Variants in GAD2 observed in about 807,000 individuals in gnomAD.
The protein encoded by GAD2 is 65 kDa glutamic acid decarboxylase.
In GAD2, 22 loss-of-function variants were observed where a neutral mutation model predicts 80.1. That is an observed-to-expected ratio of 0.27 (90% CI 0.20 to 0.39). The LOEUF is 0.39. GAD2 is among the 10% of genes least tolerant of loss of function. GAD2 has a pLI of 1.00. For missense variants in GAD2, 624 were observed against 738.4 expected, an observed-to-expected ratio of 0.85 and a Z score of 1.80; for synonymous variants, 274 against 256.9, an observed-to-expected ratio of 1.07 and a Z score of -0.64.
At chr10:26,256,248 T>C (rs1844941190) in intron 8 of GAD2, among the ~76,000 whole-genome samples, 1 of 150,344 alleles carries the variant, frequency 6.7e-6, no homozygotes, top group South Asian at 2.1e-4. Flanking sequence ...TATATGCATA[T>C]TATATATATA....
intron 8 of GAD2, among the ~76,000 whole-genome samples, chr10:26,260,417 T>C (rs1051957736): frequency 3.9e-5 from 6 of 151,974 alleles, no homozygotes; most frequent in African/African-American, 1.5e-4. Context: ...TCACCTGAGG[T>C]CAGGAGTTCG....
In GAD2 at chr10:26,216,966, G is replaced by A; in HGVS notation, c.76+81G>A. 7.8e-7 allele frequency: 1 copy of A among 1,277,002 alleles called. No individual in the cohort carries two copies. Among genetic ancestry groups the A allele is most frequent in the Admixed American group, 2.0e-5 (1 of 50,812 alleles). 79.1% of individuals were successfully genotyped at this position (1,277,002 alleles called of 1,614,324 possible). ...GCGGAACTACGGAGAAGACGAAGGA[G>A]GTTTTTCCACCTGCAACAGGAAACT... On this transcript the variant is annotated intron_variant, in intron 1 of 15. Transcript: ENST00000376261. The surrounding 1 kb of genome is among the most constrained non-coding windows in gnomAD (Gnocchi z 4.7).
intron 9 of GAD2, among the ~76,000 whole-genome samples, chr10:26,270,096 G>C (rs1845117172): frequency 6.6e-6 from 1 of 152,232 alleles, no homozygotes; most frequent in Non-Finnish European, 1.5e-5. Flanking sequence ...GCCATGGCCA[G>C]AGAGACTGAG....
intron 9 of GAD2, 39 bp from the exon 10 acceptor site, chr10:26,270,601 C>T: frequency 7.1e-7 from 1 of 1,401,216 alleles, no homozygotes; most frequent in South Asian, 1.2e-5. Context: ...GAACCCTTGA[C>T]TCTGTTTTCC....
intron 13 of GAD2, among the ~76,000 whole-genome samples, chr10:26,291,684 A>G (rs1351556535): frequency 6.6e-6 from 1 of 152,130 alleles, no homozygotes. Context: ...AGCTTTCTCC[A>G]TCAGCACCCA....
At chr10:26,289,047 C>G (rs563580040) in intron 13 of GAD2, among the ~76,000 whole-genome samples, 2 of 152,230 alleles carry the variant, frequency 1.3e-5, no homozygotes, top group South Asian at 4.2e-4. Context: ...GCAAAAACTT[C>G]CATTTTGTTT....
At chr10:26,226,277 T>G (rs7067786) in intron 6 of GAD2, among the ~76,000 whole-genome samples, 33,213 of 152,062 alleles carry the variant, frequency 0.22, 7,039 homozygotes, top group African/African-American at 0.56. Context: ...CCCAGAGAAA[T>G]AATTCTCTTA....
chr10:26,267,349 A>T (rs986167916), intron 8 of GAD2, among the ~76,000 whole-genome samples: 1 of 152,258 alleles, frequency 6.6e-6, no homozygotes, highest in Non-Finnish European at 1.5e-5. Flanking sequence ...CTTTTTATTT[A>T]TATCAGGGCT....
chr10:26,224,498 C>G (rs777801484), intron 5 of GAD2, 41 bp from the exon 6 acceptor site: 4 of 1,128,350 alleles, frequency 3.5e-6, no homozygotes, highest in Non-Finnish European at 5.4e-6. Context: ...AATTATTTAT[C>G]TGAGTTACAG....
intron 10 of GAD2, among the ~76,000 whole-genome samples, chr10:26,272,359 G>C (rs1845146818): frequency 6.6e-6 from 1 of 152,172 alleles, no homozygotes; most frequent in Admixed American, 6.5e-5. Flanking sequence ...GAGAATGTCT[G>C]TGTGTCCTGA....
chr10:26,226,927 G>A (rs1844534460), intron 6 of GAD2, among the ~76,000 whole-genome samples: 1 of 152,202 alleles, frequency 6.6e-6, no homozygotes, highest in African/African-American at 2.4e-5. Flanking sequence ...GCTTGGCTTA[G>A]TCACCGACCT....
chr10:26,245,199 T>G (rs1589142534), intron 7 of GAD2, among the ~76,000 whole-genome samples: 2 of 129,348 alleles, frequency 1.5e-5, no homozygotes, highest in African/African-American at 5.8e-5. Flanking sequence ...TAATGCACAG[T>G]GGTGCCTGTC....
At chr10:26,225,704 C>A (rs983257485) in intron 6 of GAD2, among the ~76,000 whole-genome samples, 6 of 152,178 alleles carry the variant, frequency 3.9e-5, no homozygotes, top group Non-Finnish European at 5.9e-5. Flanking sequence ...TTAAGTTAAG[C>A]ATGTTTGCCT....
chr10:26,270,597 T>G, intron 9 of GAD2, 43 bp from the exon 10 acceptor site: 1 of 1,373,930 alleles, frequency 7.3e-7, no homozygotes, highest in South Asian at 1.2e-5. Context: ...AAAAGAACCC[T>G]TGACTCTGTT....
chr10:26,234,510 G>T (rs1055519383), intron 7 of GAD2, among the ~76,000 whole-genome samples: 1 of 152,120 alleles, frequency 6.6e-6, no homozygotes, highest in Non-Finnish European at 1.5e-5. Context: ...TTTGCATTCA[G>T]TGTATTTTAT....
At chr10:26,281,564 T>C (rs1845272352) in intron 12 of GAD2, among the ~76,000 whole-genome samples, 1 of 152,194 alleles carries the variant, frequency 6.6e-6, no homozygotes, top group African/African-American at 2.4e-5. Context: ...ATCTGTAATC[T>C]CTGATTACAG....
At chr10:26,277,573 A>T (rs1353975475) in intron 11 of GAD2, among the ~76,000 whole-genome samples, 1 of 152,184 alleles carries the variant, frequency 6.6e-6, no homozygotes, top group East Asian at 1.9e-4. Context: ...GACAGACTAG[A>T]AGCTATTAAG....
intron 11 of GAD2, among the ~76,000 whole-genome samples, chr10:26,275,034 C>T (rs1845182576): frequency 6.6e-6 from 1 of 152,228 alleles, no homozygotes; most frequent in African/African-American, 2.4e-5. Context: ...CAGGCCTCTG[C>T]TCTTGGACCC....
rs538335861 is a variant in GAD2, at chr10:26,264,570, A to T, written c.921-4549A>T. ...GGTGATCTGCCGGCCTCAGCCTCCC[A>T]AAGTGCTGGGATAACAGGCGTGGAG... On this transcript the variant is annotated intron_variant, in intron 8 of 15. Transcript: ENST00000376261. 5.3e-5 allele frequency among the ~76,000 whole-genome samples: 8 copies of T among 152,152 alleles called. No individual in the cohort carries two copies. The East Asian group carries it at 1.4e-3, about 26-fold the overall frequency.
Sources: allele counts gnomAD v4.1 joint callset (sites outside exome capture counted in the v4.1 genomes callset), GRCh38; gene constraint gnomAD v4.1.1; non-coding constraint Gnocchi (gnomAD v3.1); transcripts MANE v1.5; gene names NCBI Gene and HGNC (gene_info 2026-07-23, HGNC 2026-07-21).